SMARCA2: variants seen among roughly 807,000 people sequenced by gnomAD.
SMARCA2 encodes the protein SWI/SNF-related matrix-associated actin-dependent regulator of chromatin subfamily A member 2.
Under a neutral mutation model 199.8 loss-of-function variants are expected in SMARCA2, and 61 were observed. The observed-to-expected ratio is 0.31, with a 90% CI of 0.25 to 0.38. The LOEUF (loss-of-function observed/expected upper bound fraction) is 0.38, where lower values mean the gene tolerates loss of function less well. Among genes scored for constraint, SMARCA2 ranks in the 10% least tolerant of loss-of-function variants. The pLI, the probability that SMARCA2 is intolerant of heterozygous loss-of-function variation, is 1.00. For synonymous variants in SMARCA2, 935 were observed against 732.0 expected (o/e 1.28, Z -4.48); for missense variants, 1,344 against 2,012.2 (o/e 0.67, Z 6.35).
intron 9 of SMARCA2, among the ~76,000 whole-genome samples, chr9:2,065,837 C>A (rs922760729): frequency 1.3e-5 from 2 of 151,992 alleles, no homozygotes; most frequent in Non-Finnish European, 2.9e-5. Flanking sequence ...TAAGGATAGG[C>A]GAACACAATG....
chr9:2,143,942 G>T (rs1406737006), intron 27 of SMARCA2, among the ~76,000 whole-genome samples: 2 of 152,152 alleles, frequency 1.3e-5, no homozygotes, highest in African/African-American at 4.8e-5. Flanking sequence ...GACAAAGGCA[G>T]ATTAATAGGA....
chr9:2,128,114 C>G (rs958839578), intron 27 of SMARCA2, among the ~76,000 whole-genome samples: 8 of 152,076 alleles, frequency 5.3e-5, no homozygotes, highest in Non-Finnish European at 8.8e-5. Flanking sequence ...TTCTCTCTTC[C>G]CCGGGGGCTC....
At chr9:2,142,205 C>G (rs1824496721) in intron 27 of SMARCA2, among the ~76,000 whole-genome samples, 1 of 152,164 alleles carries the variant, frequency 6.6e-6, no homozygotes, top group African/African-American at 2.4e-5. Context: ...TGACACTGGA[C>G]AATCTTTTTT....
At chr9:2,066,302 A>T (rs1477014746) in intron 9 of SMARCA2, among the ~76,000 whole-genome samples, 1 of 152,264 alleles carries the variant, frequency 6.6e-6, no homozygotes, top group Non-Finnish European at 1.5e-5. Context: ...ATCTAAATAA[A>T]ATGGCCTACT....
At position 2,115,028 on chromosome 9, in the gene SMARCA2, T is replaced by A. The variant is rs1398545494; in HGVS notation, c.3457-794T>A. On this transcript the variant is annotated intron_variant, in intron 24 of 33. Transcript: ENST00000349721. This position sits in a 1 kb window ranked among gnomAD's most constrained non-coding sequence, Gnocchi z 6.0. ...TATAATTCATTTAACTAATTCAGTA[T>A]TGTTGAATGTTTCTTTTTTTAAAAA... 6.6e-6 allele frequency among the ~76,000 whole-genome samples: 1 copy of A among 152,148 alleles called. No homozygotes were observed. Among genetic ancestry groups the A allele is most frequent in the African/African-American group, 2.4e-5 (1 of 41,420 alleles).
At chr9:2,188,324 T>C (rs943337740) in intron 32 of SMARCA2, among the ~76,000 whole-genome samples, 2 of 152,178 alleles carry the variant, frequency 1.3e-5, no homozygotes, top group African/African-American at 4.8e-5. Flanking sequence ...AGATGTAAAA[T>C]GTATGTGATG....
chr9:2,038,647 G>A (rs1819438643), intron 3 of SMARCA2, among the ~76,000 whole-genome samples: 1 of 152,112 alleles, frequency 6.6e-6, no homozygotes, highest in African/African-American at 2.4e-5. Flanking sequence ...ACCCACTGCA[G>A]CAGCTGGCTT....
In SMARCA2 at chr9:2,192,874, G is replaced by C. The variant is rs1827986259; in HGVS notation, c.*135G>C. The stretch of plus-strand genomic sequence containing the variant: ...TCGTCTATAAACTAGCTTTAGGATA[G>C]TGCCAGACAAACATATGATATCATG... On this transcript the variant is annotated 3_prime_UTR_variant, in exon 34 of 34. Transcript: ENST00000349721. 1 of 686,972 alleles carries C rather than the reference G, an allele frequency of 1.5e-6. No individual in the cohort carries two copies. 42.6% of individuals were successfully genotyped at this position (686,972 alleles called of 1,614,324 possible).
intron 27 of SMARCA2, among the ~76,000 whole-genome samples, chr9:2,157,174 C>T (rs1825410623): frequency 6.6e-6 from 1 of 152,152 alleles, no homozygotes; most frequent in Non-Finnish European, 1.5e-5. Flanking sequence ...GTAAGAAAAT[C>T]TCTCATATAT....
chr9:2,155,319 G>C (rs942115556), intron 27 of SMARCA2, among the ~76,000 whole-genome samples: 1 of 151,594 alleles, frequency 6.6e-6, no homozygotes, highest in African/African-American at 2.4e-5. Context: ...GTCTTGCTCT[G>C]TTGCCCAGGC....
At chr9:2,151,837 A>T (rs543947901) in intron 27 of SMARCA2, among the ~76,000 whole-genome samples, 1 of 152,320 alleles carries the variant, frequency 6.6e-6, no homozygotes. Context: ...TTTAATTTAA[A>T]TTGCGCTAGG....
chr9:2,025,948 T>C (rs1818809748), intron 1 of SMARCA2, among the ~76,000 whole-genome samples: 1 of 152,132 alleles, frequency 6.6e-6, no homozygotes, highest in South Asian at 2.1e-4. Context: ...TAATGGACTT[T>C]CCAACACACA....
At chr9:2,080,521 G>C (rs1366429491) in intron 14 of SMARCA2, among the ~76,000 whole-genome samples, 5 of 152,182 alleles carry the variant, frequency 3.3e-5, no homozygotes, top group African/African-American at 7.2e-5. Flanking sequence ...TAAAGCTCTA[G>C]TGGTTTCAGG....
Position 2,056,731 on chromosome 9 carries a change from C to T in SMARCA2, c.1233C>T (p.Asn411=), listed in dbSNP as rs142963920. The T allele has an allele frequency of 5.0e-5, 80 of 1,614,222 alleles. No individual in the cohort carries two copies. Among genetic ancestry groups the T allele is most frequent in the Middle Eastern group, 1.6e-4 (1 of 6,062 alleles). The change falls in exon 7 of 34, where the codon AAC becomes AAT. Residue 411 remains asparagine (N), a synonymous_variant. Transcript: ENST00000349721. This position sits in a 1 kb window ranked among gnomAD's most constrained non-coding sequence, Gnocchi z 4.0. The part of the protein sequence containing the change: ...RRDTTLETAL[N]SKAYKRSKRQ... ...ACACGACCCTGGAGACGGCTCTCAA[C>T]TCCAAAGCATACAAACGGAGCAAGC...
chr9:2,183,438 C>G (rs1324199), intron 31 of SMARCA2, among the ~76,000 whole-genome samples: 100,355 of 151,414 alleles, frequency 0.66, 33,410 homozygotes, highest in Admixed American at 0.73. Context: ...ATTTTAATTA[C>G]ACCTCAATTA....
At chr9:2,061,050 A>T in intron 9 of SMARCA2, 64 bp downstream of exon 9, 1 of 1,471,078 alleles carries the variant, frequency 6.8e-7, no homozygotes. Context: ...TTTTAAGGCG[A>T]GTATTGCTCT....
At chr9:2,173,018 T>C (rs1290231414) in intron 29 of SMARCA2, among the ~76,000 whole-genome samples, 1 of 152,056 alleles carries the variant, frequency 6.6e-6, no homozygotes, top group Non-Finnish European at 1.5e-5. Flanking sequence ...AGGGAATAAA[T>C]ATTCAGAGGT....
At chr9:2,117,773 C>G (rs559637924) in intron 25 of SMARCA2, among the ~76,000 whole-genome samples, 1 of 152,330 alleles carries the variant, frequency 6.6e-6, no homozygotes, top group African/African-American at 2.4e-5. Context: ...GTCCTGCCAT[C>G]AAGGCTAGCT....
rs1323918637 is a variant in SMARCA2, at chr9:2,123,230, C to A, written c.3763-489C>A. On this transcript the variant is annotated intron_variant, in intron 26 of 33. Coordinates refer to ENST00000349721, the MANE Select transcript of SMARCA2 (RefSeq NM_003070.5). This position sits in a 1 kb window ranked among gnomAD's most constrained non-coding sequence, Gnocchi z 4.1. ...GTGGGTAGCTATTCTGTACTGATAC[C>A]TTGGGTCCCCCTTTTTTTTTTATTG... 6.6e-6 allele frequency among the ~76,000 whole-genome samples: 1 copy of A among 151,760 alleles called. No homozygotes were observed. Among genetic ancestry groups the A allele is most frequent in the Non-Finnish European group, 1.5e-5 (1 of 67,950 alleles).
Sources: allele counts gnomAD v4.1 joint callset (sites outside exome capture counted in the v4.1 genomes callset), GRCh38; gene constraint gnomAD v4.1.1; non-coding constraint Gnocchi (gnomAD v3.1); transcripts MANE v1.5; gene names NCBI Gene and HGNC (gene_info 2026-07-23, HGNC 2026-07-21).